The following INPP4B variants were observed in gnomAD, a reference collection of about 807,000 sequenced individuals.
INPP4B encodes the protein inositol polyphosphate 4-phosphatase type II.
A neutral mutation model predicts 122.5 loss-of-function variants in INPP4B; 55 were observed. The ratio of observed to expected loss-of-function variants is 0.45; its 90% CI spans 0.36 to 0.56. INPP4B has a LOEUF of 0.56. Ranked by LOEUF, INPP4B falls within the 20% of genes least tolerant of loss-of-function variation. The pLI, the probability that INPP4B is intolerant of heterozygous loss-of-function variation, is 0.00. For missense variants in INPP4B, 1,000 were observed against 1,097.7 expected (o/e 0.91, Z 1.26); for synonymous variants, 403 against 388.7 (o/e 1.04, Z -0.43).
At chr4:142,256,864 C>T (rs1191233557) in intron 11 of INPP4B, among the ~76,000 whole-genome samples, 2 of 152,146 alleles carry the variant, frequency 1.3e-5, no homozygotes, top group Non-Finnish European at 2.9e-5. Flanking sequence ...ATGAGGCCAG[C>T]ATCATCCTGA....
At chr4:142,190,036 A>G (rs1835024641) in intron 15 of INPP4B, among the ~76,000 whole-genome samples, 1 of 152,146 alleles carries the variant, frequency 6.6e-6, no homozygotes, top group Non-Finnish European at 1.5e-5. Context: ...CACAAAAGAG[A>G]TCATCAAGGG....
At chr4:142,476,824 A>G (rs1286619489) in intron 2 of INPP4B, among the ~76,000 whole-genome samples, 3 of 152,186 alleles carry the variant, frequency 2.0e-5, no homozygotes, top group Non-Finnish European at 4.4e-5. Flanking sequence ...TAGATACCTA[A>G]GAAGAGTCTT....
intron 1 of INPP4B, among the ~76,000 whole-genome samples, chr4:142,845,168 C>A (rs1215235476): frequency 6.6e-6 from 1 of 152,116 alleles, no homozygotes; most frequent in Non-Finnish European, 1.5e-5. Context: ...CAGCAACAAC[C>A]TAATCAATAT....
intron 2 of INPP4B, among the ~76,000 whole-genome samples, chr4:142,508,811 A>G (rs1560737015): frequency 6.6e-6 from 1 of 152,198 alleles, no homozygotes; most frequent in Non-Finnish European, 1.5e-5. Context: ...TCCCAAAAAA[A>G]GGAGGAAGTT....
At position 142,589,221 on chromosome 4, in the gene INPP4B, G is replaced by A. The variant is rs111447421; in HGVS notation, c.-190-126495C>T. ...AATGTAGAATATAAAAGCTATACTCGATGTCCTTTTATTTGGTGGTGAGTT... is the reference window on the plus strand; with the variant it reads ...AATGTAGAATATAAAAGCTATACTCAATGTCCTTTTATTTGGTGGTGAGTT... On this transcript the variant is annotated intron_variant, in intron 2 of 25. Transcript: ENST00000262992. Among the ~76,000 whole-genome samples the A allele has an allele frequency of 4.0e-3, 604 of 152,098 alleles. 3 individuals carry two copies. The highest frequency in any genetic ancestry group is 0.017 in the Middle Eastern group (5 of 294).
intron 15 of INPP4B, among the ~76,000 whole-genome samples, chr4:142,185,398 G>GTGTGTA (rs1553999975): frequency 2.0e-5 from 3 of 147,120 alleles, no homozygotes; most frequent in Non-Finnish European, 3.0e-5. Context: ...ATGTGTGTGT[G>GTGTGTA]TATATATATA....
At chr4:142,442,682 T>C (rs2149451582) in intron 3 of INPP4B, among the ~76,000 whole-genome samples, 1 of 152,184 alleles carries the variant, frequency 6.6e-6, no homozygotes, top group African/African-American at 2.4e-5. Flanking sequence ...ACAGATGAGG[T>C]CTCAGGGCAA....
rs1217479390 is a variant in INPP4B at position 142,023,695 on chromosome 4, T to C, written c.*5087A>G. ...GGTAATTTAGATGATTGAAGGAATATTATGAATGTATTTACACTGTGAGTG... is the reference window on the plus strand; with the variant it reads ...GGTAATTTAGATGATTGAAGGAATACTATGAATGTATTTACACTGTGAGTG... On this transcript the variant is annotated 3_prime_UTR_variant, in exon 26 of 26. Coordinates refer to ENST00000262992, the MANE Select transcript of INPP4B (RefSeq NM_001101669.3). 1 of 152,176 alleles carries C rather than the reference T, an allele frequency of 6.6e-6. No individual in the cohort carries two copies. Among genetic ancestry groups the C allele is most frequent in the Non-Finnish European group, 1.5e-5 (1 of 68,002 alleles). The allele number at this position is 152,176 out of a possible 1,614,324, so 9.4% of individuals were successfully genotyped here.
chr4:142,482,821 A>T (rs1467538960), intron 2 of INPP4B, among the ~76,000 whole-genome samples: 1 of 151,968 alleles, frequency 6.6e-6, no homozygotes, highest in African/African-American at 2.4e-5. Flanking sequence ...GCATATATTT[A>T]TTTGTGTGAT....
At chr4:142,790,192 A>G (rs935113485) in intron 1 of INPP4B, among the ~76,000 whole-genome samples, 1 of 152,076 alleles carries the variant, frequency 6.6e-6, no homozygotes, top group Non-Finnish European at 1.5e-5. Context: ...ATGACCAAGA[A>G]CCCAAAAGCA....
intron 1 of INPP4B, among the ~76,000 whole-genome samples, chr4:142,731,094 C>T (rs1308289613): frequency 1.3e-5 from 2 of 152,106 alleles, no homozygotes; most frequent in Non-Finnish European, 2.9e-5. Context: ...TTAAGCCCCA[C>T]ATGCATTAGC....
intron 7 of INPP4B, among the ~76,000 whole-genome samples, chr4:142,322,857 T>C (rs766383096): frequency 2.6e-5 from 4 of 152,176 alleles, no homozygotes; most frequent in Non-Finnish European, 4.4e-5. Context: ...AATAATTAAA[T>C]CAGAATGTCC....
At chr4:142,151,283 C>T (rs1265199913) in intron 17 of INPP4B, among the ~76,000 whole-genome samples, 1 of 152,118 alleles carries the variant, frequency 6.6e-6, no homozygotes, top group African/African-American at 2.4e-5. Flanking sequence ...TTCTTTCACA[C>T]ACACACACCA....
At chr4:142,484,427 A>G (rs1236762463) in intron 2 of INPP4B, among the ~76,000 whole-genome samples, 1 of 152,062 alleles carries the variant, frequency 6.6e-6, no homozygotes, top group Non-Finnish European at 1.5e-5. Flanking sequence ...TAAGGTTGAA[A>G]GCCACAACCT....
intron 2 of INPP4B, among the ~76,000 whole-genome samples, chr4:142,490,449 T>G (rs961467282): frequency 2.0e-5 from 3 of 152,078 alleles, no homozygotes; most frequent in Non-Finnish European, 4.4e-5. Context: ...CACATAAAAA[T>G]TATATACATT....
At chr4:142,213,045 T>C (rs965671337) in intron 12 of INPP4B, among the ~76,000 whole-genome samples, 15 of 152,224 alleles carry the variant, frequency 9.9e-5, no homozygotes, top group Non-Finnish European at 1.8e-4. Context: ...ATAAGCTCAC[T>C]GTTGTGCCTT....
At chr4:142,242,673 C>G (rs1408368794) in intron 11 of INPP4B, among the ~76,000 whole-genome samples, 1 of 152,200 alleles carries the variant, frequency 6.6e-6, no homozygotes, top group Non-Finnish European at 1.5e-5. Context: ...GAACCCCCCA[C>G]TTTCCTAACC....
At chr4:142,747,504 A>G (rs1768941698) in intron 1 of INPP4B, among the ~76,000 whole-genome samples, 1 of 152,200 alleles carries the variant, frequency 6.6e-6, no homozygotes, top group Non-Finnish European at 1.5e-5. Flanking sequence ...CATTTGACCC[A>G]GCAATCCCAT....
At chr4:142,140,559 T>C (rs967172262) in intron 18 of INPP4B, among the ~76,000 whole-genome samples, 3 of 152,178 alleles carry the variant, frequency 2.0e-5, no homozygotes, top group East Asian at 1.9e-4. Context: ...AAAATGCATA[T>C]AAAATGTGAA....
Sources: gnomAD v4.1 joint callset for allele counts (sites outside exome capture counted in the v4.1 genomes callset) on GRCh38, gnomAD v4.1.1 for gene constraint, MANE v1.5 for transcripts, NCBI Gene and HGNC (gene_info 2026-07-23, HGNC 2026-07-21) for gene names.